HK1: variants seen among roughly 807,000 people sequenced by gnomAD.
The protein encoded by HK1 is hexokinase-1.
In HK1, 28 loss-of-function variants were observed where a neutral mutation model predicts 91.6. That is an observed-to-expected ratio of 0.31 (90% CI 0.23 to 0.42). The LOEUF (loss-of-function observed/expected upper bound fraction) is 0.42, where lower values mean the gene tolerates loss of function less well. Ranked by LOEUF, HK1 falls within the 10% of genes least tolerant of loss-of-function variation. The pLI is 1.00. For missense variants in HK1, 770 were observed against 1,219.8 expected, an observed-to-expected ratio of 0.63 and a Z score of 5.49; for synonymous variants, 430 against 468.1, an observed-to-expected ratio of 0.92 and a Z score of 1.05.
intron 1 of HK1, among the ~76,000 whole-genome samples, chr10:69,326,159 T>C (rs11812380): frequency 0.032 from 4,856 of 151,702 alleles, 129 homozygotes; most frequent in South Asian, 0.074. Flanking sequence ...AATGGCTTTT[T>C]GTCTCTGGGC....
chr10:69,395,217 AT>A (rs1250618234), intron 16 of HK1, 112 bp downstream of exon 16: 11 of 974,856 alleles, frequency 1.1e-5, no homozygotes, highest in African/African-American at 1.6e-5. Flanking sequence ...ATTTTTGAGG[AT>A]TTTTTTTCCT....
In HK1 at chr10:69,276,118, A is replaced by AATATATAT. The variant is rs1554874322; in HGVS notation, c.-391+6013_-391+6014insTATATATA. ...AAAAAAAAAAAAAAAAAAAAAAAAA[A>AATATATAT]ATACATATATATATATATATACACA... On this transcript the variant is annotated intron_variant, in intron 1 of 21. Coordinates refer to the HK1 transcript ENST00000360289. Among the ~76,000 whole-genome samples the AATATATAT allele has an allele frequency of 7.1e-4, 27 of 38,268 alleles. 4 individuals carry two copies. The highest frequency in any genetic ancestry group is 9.7e-4 in the Non-Finnish European group (19 of 19,638). The allele number at this position is 38,268 out of a possible 152,430, so 25.1% of individuals were successfully genotyped here. A position where few individuals can be genotyped will look rare whatever the true frequency, so the allele number is the denominator to read the frequency against.
intron 2 of HK1, 131 bp downstream of exon 2, chr10:69,344,120 C>T (rs561715701): frequency 5.6e-6 from 5 of 895,668 alleles, no homozygotes; most frequent in Non-Finnish European, 9.0e-6. Flanking sequence ...CCCATCCATC[C>T]ATCCATCCAT....
At chr10:69,289,240 C>CT (rs1845169262) in intron 3 of HK1, among the ~76,000 whole-genome samples, 1 of 152,076 alleles carries the variant, frequency 6.6e-6, no homozygotes, top group African/African-American at 2.4e-5. Flanking sequence ...GACCCAGCCT[C>CT]TAAGTCTTGG....
chr10:69,276,112 A>ATATATAT (rs1564746747), intron 1 of HK1, among the ~76,000 whole-genome samples: 15 of 42,592 alleles, frequency 3.5e-4, no homozygotes, highest in Non-Finnish European at 4.6e-4. Flanking sequence ...AAAAAAAAAA[A>ATATATAT]AAAAAAATAC....
chr10:69,351,527 C>CAA (rs370984801), intron 2 of HK1, among the ~76,000 whole-genome samples: 29 of 151,334 alleles, frequency 1.9e-4, no homozygotes, highest in East Asian at 3.9e-4. Context: ...AAAACAAAAA[C>CAA]AAAAAAAACA....
Position 69,377,098 on chromosome 10 carries a change from C to T in HK1, c.1031+9C>T. On this transcript the variant is annotated intron_variant, in intron 8 of 17. Coordinates refer to ENST00000359426, the MANE Select transcript of HK1 (RefSeq NM_000188.3). ...GTGTCAGCCATCGAAAAGTAGGTAC[C>T]ATCCCCTCAAGGCTTTCTTGGGGTG... 1.2e-6 allele frequency: 2 copies of T among 1,614,082 alleles called. No individual in the cohort carries two copies. Among genetic ancestry groups the T allele is most frequent in the Non-Finnish European group, 1.7e-6 (2 of 1,179,986 alleles).
chr10:69,314,094 C>T (rs1011216313), upstream of HK1, among the ~76,000 whole-genome samples: 1 of 152,202 alleles, frequency 6.6e-6, no homozygotes, highest in Non-Finnish European at 1.5e-5. Context: ...TCACAGTAAC[C>T]TTCACCCCAC....
At chr10:69,304,587 C>T (rs375258814) in intron 5 of HK1, among the ~76,000 whole-genome samples, 54 of 152,304 alleles carry the variant, frequency 3.5e-4, no homozygotes, top group African/African-American at 1.3e-3. Context: ...GGATTACAGG[C>T]GTGAGCCACT....
chr10:69,333,148 T>A (rs1371038111), intron 1 of HK1, among the ~76,000 whole-genome samples: 1 of 152,204 alleles, frequency 6.6e-6, no homozygotes. Flanking sequence ...GAGATCGAAG[T>A]GACTTGCTCA....
At chr10:69,286,943 C>T (rs549496105) in intron 2 of HK1, among the ~76,000 whole-genome samples, 2 of 152,318 alleles carry the variant, frequency 1.3e-5, no homozygotes, top group South Asian at 2.1e-4. Flanking sequence ...GAAGGCTTTA[C>T]GCTTTCAGCC....
At chr10:69,304,859 G>A (rs1471805429) in intron 5 of HK1, among the ~76,000 whole-genome samples, 2 of 152,196 alleles carry the variant, frequency 1.3e-5, no homozygotes, top group African/African-American at 2.4e-5. Context: ...TCGGTTCCTT[G>A]TAGCTGTAGG....
rs1846826265 is a variant in HK1 at position 69,318,882 on chromosome 10, G to C, written c.-66G>C. On this transcript the variant is annotated 5_prime_UTR_variant, in exon 1 of 18. Coordinates refer to ENST00000359426, the MANE Select transcript of HK1 (RefSeq NM_000188.3). ...CGCCGAGCAGCCGCCGGAGGACCAC[G>C]GCTCGCCAGGGCTGCGGAGGACCGA... The C allele has an allele frequency of 6.6e-7, 1 of 1,521,394 alleles. No homozygotes were observed. The highest frequency in any genetic ancestry group is 1.2e-5 in the South Asian group (1 of 81,654). 94.2% of individuals were successfully genotyped at this position (1,521,394 alleles called of 1,614,324 possible).
chr10:69,321,266 G>A (rs554949130), intron 1 of HK1, among the ~76,000 whole-genome samples: 1 of 152,308 alleles, frequency 6.6e-6, no homozygotes, highest in South Asian at 2.1e-4. Context: ...GCCTTCTAAG[G>A]ACAGTGACAT....
At chr10:69,299,806 C>A (rs921609555) in intron 4 of HK1, among the ~76,000 whole-genome samples, 12 of 150,848 alleles carry the variant, frequency 8.0e-5, no homozygotes, top group Non-Finnish European at 1.5e-5. Context: ...GGATTACAGG[C>A]GCCTGCCACT....
intron 1 of HK1, chr10:69,338,355 G>C (rs962923316): frequency 1.7e-6 from 2 of 1,190,916 alleles, no homozygotes; most frequent in Non-Finnish European, 2.1e-6. Context: ...CTGGTGTCTG[G>C]GACTGGGCGC....
rs541014365 is a variant in HK1 at position 69,302,748 on chromosome 10, C to T, written c.27+1887C>T. 8.4e-4 allele frequency among the ~76,000 whole-genome samples: 67 copies of T among 80,230 alleles called. No homozygotes were observed. In the South Asian group the frequency reaches 0.033, roughly 40 times the overall value. The allele number at this position is 80,230 out of a possible 152,430, so 52.6% of individuals were successfully genotyped here. A position where few individuals can be genotyped will look rare whatever the true frequency, so the allele number is the denominator to read the frequency against. On this transcript the variant is annotated intron_variant, in intron 5 of 21. Transcript: ENST00000360289. ...TCCAGCCTGGGCAAAACTATGGGAC[C>T]CTGTCTCAAAAAAAAAAAAAAAAAA...
intron 4 of HK1, among the ~76,000 whole-genome samples, chr10:69,299,979 C>T (rs73263660): frequency 0.021 from 3,169 of 149,990 alleles, 205 homozygotes; most frequent in African/African-American, 0.074. Context: ...TTTTTTTTTT[C>T]AGTAGAGACA....
intron 3 of HK1, among the ~76,000 whole-genome samples, chr10:69,294,047 G>C (rs891862049): frequency 6.6e-6 from 1 of 151,812 alleles, no homozygotes; most frequent in Admixed American, 6.6e-5. Context: ...ATTTTTAGTA[G>C]AGACGGGGTT....
Sources: gnomAD v4.1 joint callset for allele counts (sites outside exome capture counted in the v4.1 genomes callset) on GRCh38, gnomAD v4.1.1 for gene constraint, MANE v1.5 for transcripts, NCBI Gene and HGNC (gene_info 2026-07-23, HGNC 2026-07-21) for gene names.